Variants in CSMD1 observed in about 807,000 individuals in gnomAD.
CSMD1 encodes CUB and sushi domain-containing protein 1.
Under a neutral mutation model 417.5 loss-of-function variants are expected in CSMD1, and 213 were observed. The observed-to-expected ratio is 0.51, with a 90% confidence interval of 0.46 to 0.57. The LOEUF is 0.57. Ranked by LOEUF, CSMD1 falls within the 20% of genes least tolerant of loss-of-function variation. The pLI is 0.00. For missense variants in CSMD1, 6,923 were observed against 4,529.7 expected, an observed-to-expected ratio of 1.53 and a Z score of -15.17; for synonymous variants, 2,862 against 1,736.8, an observed-to-expected ratio of 1.65 and a Z score of -16.11.
At chr8:3,287,423 C>T (rs1803242049) in intron 25 of CSMD1, among the ~76,000 whole-genome samples, 2 of 152,100 alleles carry the variant, frequency 1.3e-5, no homozygotes, top group African/African-American at 4.8e-5. Context: ...ATTGATTCTT[C>T]CTACCTATGA....
intron 24 of CSMD1, 65 bp downstream of exon 24, chr8:3,308,247 G>A (rs1805041203): frequency 1.6e-6 from 2 of 1,259,444 alleles, no homozygotes; most frequent in Non-Finnish European, 2.2e-6. Context: ...GGAAGTCAAT[G>A]CAACATGGTG....
intron 2 of CSMD1, among the ~76,000 whole-genome samples, chr8:4,523,525 T>A (rs1045893746): frequency 6.6e-6 from 1 of 151,896 alleles, no homozygotes; most frequent in Non-Finnish European, 1.5e-5. Context: ...TCCTTCTCTC[T>A]CACACACACA....
At chr8:4,414,095 T>C (rs939263086) in intron 3 of CSMD1, among the ~76,000 whole-genome samples, 9 of 152,174 alleles carry the variant, frequency 5.9e-5, no homozygotes, top group African/African-American at 2.2e-4. Context: ...TTAATTCAGG[T>C]GGAGTTTGGG....
chr8:3,282,919 T>C (rs1471549346), intron 26 of CSMD1, among the ~76,000 whole-genome samples: 1 of 152,160 alleles, frequency 6.6e-6, no homozygotes, highest in African/African-American at 2.4e-5. Flanking sequence ...TTCCACTTGT[T>C]TTATGATGAT....
intron 5 of CSMD1, among the ~76,000 whole-genome samples, chr8:3,957,582 G>T (rs1235266437): frequency 6.6e-6 from 1 of 152,104 alleles, no homozygotes; most frequent in African/African-American, 2.4e-5. Context: ...TACTCAGAAG[G>T]CTGAGGTGGA....
intron 30 of CSMD1, among the ~76,000 whole-genome samples, chr8:3,212,972 G>A (rs1477513611): frequency 6.6e-6 from 1 of 151,852 alleles, no homozygotes; most frequent in Non-Finnish European, 1.5e-5. Flanking sequence ...GGGATTACAG[G>A]TGTGCACCAC....
intron 5 of CSMD1, among the ~76,000 whole-genome samples, chr8:3,995,635 C>T (rs991226106): frequency 1.3e-5 from 2 of 152,324 alleles, no homozygotes; most frequent in Non-Finnish European, 2.9e-5. Flanking sequence ...ATCTCTTGTC[C>T]TCTGCATATC....
At chr8:3,219,536 C>T (rs1217053558) in intron 28 of CSMD1, 94 bp from the exon 29 acceptor site, 21 of 914,710 alleles carry the variant, frequency 2.3e-5, no homozygotes, top group Non-Finnish European at 2.9e-5. Context: ...ATTTTATTTG[C>T]TTTTGTATAA....
chr8:3,548,912 G>A (rs1237798994), intron 10 of CSMD1, among the ~76,000 whole-genome samples: 1 of 152,030 alleles, frequency 6.6e-6, no homozygotes, highest in Non-Finnish European at 1.5e-5. Context: ...CTCACCTGGT[G>A]GTCACACACA....
intron 1 of CSMD1, among the ~76,000 whole-genome samples, chr8:4,710,276 G>T (rs1808203546): frequency 6.6e-6 from 1 of 151,064 alleles, no homozygotes; most frequent in African/African-American, 2.4e-5. Context: ...ATATACATTT[G>T]CATGTTAAAT....
chr8:3,258,283 AG>A (rs1259492984), intron 26 of CSMD1, among the ~76,000 whole-genome samples: 11 of 152,222 alleles, frequency 7.2e-5, no homozygotes, highest in Admixed American at 4.6e-4. Context: ...ACATGGACAA[AG>A]GACATGAACA....
intron 5 of CSMD1, among the ~76,000 whole-genome samples, chr8:3,834,003 A>T (rs1473139891): frequency 6.6e-6 from 1 of 152,078 alleles, no homozygotes; most frequent in Non-Finnish European, 1.5e-5. Flanking sequence ...TTTTCAGGTG[A>T]ATTAAGGATT....
At position 4,750,754 on chromosome 8, in the gene CSMD1, G is replaced by GA. The variant is rs199648820; in HGVS notation, c.86-113197dup. On this transcript the variant is annotated intron_variant, in intron 1 of 69. Coordinates refer to ENST00000635120, the MANE Select transcript of CSMD1 (RefSeq NM_033225.6). ...AGTAAATACCGAATTACTTCCCAAG[G>GA]AAAAAAAAAAAAAAGTAGTATTAGC... Among the ~76,000 whole-genome samples the GA allele has an allele frequency of 4.4e-3, 598 of 136,866 alleles. 2 individuals are homozygous for GA. Among genetic ancestry groups the GA allele is most frequent in the East Asian group, 7.6e-3 (36 of 4,712 alleles). The allele number at this position is 136,866 out of a possible 152,430, so 89.8% of individuals were successfully genotyped here. A position where few individuals can be genotyped will look rare whatever the true frequency, so the allele number is the denominator to read the frequency against.
At chr8:4,947,876 C>A (rs933485277) in intron 1 of CSMD1, among the ~76,000 whole-genome samples, 2 of 152,026 alleles carry the variant, frequency 1.3e-5, no homozygotes, top group Non-Finnish European at 2.9e-5. Context: ...ATTTTGTGAA[C>A]ATATTGCAAG....
chr8:4,843,125 A>G (rs6988310), intron 1 of CSMD1, among the ~76,000 whole-genome samples: 31,510 of 152,092 alleles, frequency 0.21, 3,793 homozygotes, highest in African/African-American at 0.33. Flanking sequence ...AGTCGAGGAA[A>G]TGAACAAACA....
intron 3 of CSMD1, among the ~76,000 whole-genome samples, chr8:4,191,095 A>G (rs1436665986): frequency 6.8e-5 from 10 of 147,438 alleles, no homozygotes; most frequent in Non-Finnish European, 1.2e-4. Flanking sequence ...ATAAAATAAA[A>G]GTTGAAAAAA....
At chr8:3,086,868 T>C (rs1814568192) in intron 49 of CSMD1, among the ~76,000 whole-genome samples, 1 of 152,342 alleles carries the variant, frequency 6.6e-6, no homozygotes, top group South Asian at 2.1e-4. Flanking sequence ...TAGAATAACT[T>C]GACCCAGGAT....
At chr8:3,983,487 G>A (rs950093694) in intron 5 of CSMD1, among the ~76,000 whole-genome samples, 2 of 152,136 alleles carry the variant, frequency 1.3e-5, no homozygotes, top group East Asian at 1.9e-4. Flanking sequence ...CAAGTCATGA[G>A]GAAAATATAC....
chr8:3,788,258 A>G (rs1022108692), intron 5 of CSMD1, among the ~76,000 whole-genome samples: 3 of 152,186 alleles, frequency 2.0e-5, no homozygotes, highest in Non-Finnish European at 4.4e-5. Flanking sequence ...GATGGAGCTA[A>G]ACATCAGTTT....
Sources: gnomAD v4.1 joint callset for allele counts (sites outside exome capture counted in the v4.1 genomes callset) on GRCh38, gnomAD v4.1.1 for gene constraint, MANE v1.5 for transcripts, NCBI Gene and HGNC (gene_info 2026-07-23, HGNC 2026-07-21) for gene names.